Variants in RPF1 observed in about 807,000 individuals in gnomAD.
RPF1 encodes ribosome production factor 1.
Under a neutral mutation model 41.9 loss-of-function variants are expected in RPF1, and 34 were observed. The observed-to-expected ratio is 0.81, with a 90% confidence interval of 0.62 to 1.08. The LOEUF is 1.08. Among genes scored for constraint, RPF1 ranks in the 50% least tolerant of loss-of-function variants. The pLI is 0.00. For synonymous variants in RPF1, 140 were observed against 148.9 expected (o/e 0.94, Z 0.43); for missense variants, 425 against 435.2 (o/e 0.98, Z 0.21).
chr1:84,496,030 A>G lies in RPF1; in HGVS notation c.848A>G (p.Asn283Ser), dbSNP rs1039321907. The G allele has an allele frequency of 1.9e-6, 3 of 1,612,166 alleles. No individual in the cohort carries two copies. Among genetic ancestry groups the G allele is most frequent in the African/African-American group, 2.7e-5 (2 of 74,888 alleles). Residue 283 changes from asparagine to serine, a missense_variant, in exon 7 of 9, where the codon AAT (asparagine) becomes AGT (serine). Asn to Ser is a conservative substitution (Grantham distance 46). Coordinates refer to ENST00000370654, the MANE Select transcript of RPF1 (RefSeq NM_025065.7). ...GGAAGGCAGGTTGCCACATTCCACA[A>G]TCAACGGGATTACATATTCTTCAGA... ...FIGRQVATFH[N>S]QRDYIFFRFH...
In RPF1 at chr1:84,480,936, CTT is replaced by C; in HGVS notation, c.229-12_229-11del. On this transcript the variant is annotated intron_variant, in intron 1 of 8. Coordinates refer to ENST00000370654, the MANE Select transcript of RPF1 (RefSeq NM_025065.7). ...ACTGGTTGTTTCTCAGTATTGTTCT[CTT>C]TTTTTTTAACCCTTTAGGAAAAGTT... 1.5e-6 allele frequency: 2 copies of C among 1,368,774 alleles called. No individual in the cohort carries two copies. The highest frequency in any genetic ancestry group is 1.5e-5 in the African/African-American group (1 of 68,686). The allele number at this position is 1,368,774 out of a possible 1,614,324, so 84.8% of individuals were successfully genotyped here. A position where few individuals can be genotyped will look rare whatever the true frequency, so the allele number is the denominator to read the frequency against.
chr1:84,479,348 G>T lies in RPF1; in HGVS notation c.67G>T (p.Glu23Ter). Residue 23 changes from glutamate to a stop codon, truncating the protein, a stop_gained, in exon 1 of 9, where the codon GAA becomes TAA. Transcript: ENST00000370654. LOFTEE classifies it high-confidence loss of function. ...AAGTCTAAAACGGAAAGCCGCTGCC[G>T]AAGAACTTCAGGAGGCTGCAGGCGC... ...KKSLKRKAAA[E>*]ELQEAAGAGD... 6.2e-7 allele frequency: 1 copy of T among 1,612,996 alleles called. No homozygotes were observed.
intron 7 of RPF1, 61 bp from the exon 8 acceptor site, chr1:84,496,183 C>A: frequency 1.3e-6 from 2 of 1,519,422 alleles, no homozygotes; most frequent in Non-Finnish European, 9.0e-7. Context: ...ATCTTTTGAA[C>A]CCTGTCATAA....
In RPF1 at chr1:84,482,424, G is replaced by A. The variant is rs138907075; in HGVS notation, c.286-491G>A. 4.6e-3 allele frequency among the ~76,000 whole-genome samples: 694 copies of A among 152,098 alleles called. 4 individuals are homozygous for A. Among genetic ancestry groups the A allele is most frequent in the Non-Finnish European group, 7.4e-3 (506 of 67,974 alleles). On this transcript the variant is annotated intron_variant, in intron 2 of 8. Transcript: ENST00000370654. ...AAATAGGGATACTATGTATTTCTTCGTTCAAATTTCTCCCCCATTTACATT... is the reference window on the plus strand; with the variant it reads ...AAATAGGGATACTATGTATTTCTTCATTCAAATTTCTCCCCCATTTACATT...
chr1:84,490,282 GA>G (rs762159541), intron 4 of RPF1, 36 bp from the exon 5 acceptor site: 1 of 1,421,118 alleles, frequency 7.0e-7, no homozygotes, highest in Non-Finnish European at 9.4e-7. Flanking sequence ...ATTCTTTTTT[GA>G]AAACTATTCA....
intron 5 of RPF1, among the ~76,000 whole-genome samples, chr1:84,491,080 A>G (rs1336334089): frequency 1.3e-5 from 2 of 152,150 alleles, no homozygotes; most frequent in East Asian, 1.9e-4. Flanking sequence ...ACTTGGGCCC[A>G]TGTTATGTGT....
At position 84,497,985 on chromosome 1, in the gene RPF1, T is replaced by C. The variant is rs7541909; in HGVS notation, c.*515T>C. ...GTTGCAAATTACTGAAGCTAATCTT[T>C]GCTTCCTGATTTTGAGGTTTTTGGT... On this transcript the variant is annotated 3_prime_UTR_variant, in exon 9 of 9. Transcript: ENST00000370654. 1.3e-5 allele frequency among the ~76,000 whole-genome samples: 2 copies of C among 152,212 alleles called. No individual in the cohort carries two copies. The highest frequency in any genetic ancestry group is 2.9e-5 in the Non-Finnish European group (2 of 68,028).
At chr1:84,493,304 T>A (rs1472145719) in intron 5 of RPF1, among the ~76,000 whole-genome samples, 1 of 137,890 alleles carries the variant, frequency 7.3e-6, no homozygotes, top group Non-Finnish European at 1.5e-5. Context: ...CGTTTGCTGA[T>A]AATCTGATGC....
intron 2 of RPF1, 86 bp from the exon 3 acceptor site, chr1:84,482,829 A>G (rs1681674580): frequency 1.3e-6 from 1 of 783,630 alleles, no homozygotes; most frequent in South Asian, 1.7e-5. Flanking sequence ...GTTTGGGGTT[A>G]TTTGTAGCTT....
intron 5 of RPF1, among the ~76,000 whole-genome samples, chr1:84,491,788 A>G (rs1229612918): frequency 6.6e-6 from 1 of 152,210 alleles, no homozygotes; most frequent in Non-Finnish European, 1.5e-5. Context: ...AATTCAATAA[A>G]TGTTCTATCC....
chr1:84,482,733 T>TA (rs200145466), intron 2 of RPF1, among the ~76,000 whole-genome samples, 182 bp from the exon 3 acceptor site: 18,477 of 143,166 alleles, frequency 0.13, 2,076 homozygotes, highest in African/African-American at 0.3. Context: ...CCCAGATTGT[T>TA]TAAAAAAAAA....
intron 5 of RPF1, among the ~76,000 whole-genome samples, chr1:84,491,815 G>A (rs1343938489): frequency 6.6e-6 from 1 of 152,166 alleles, no homozygotes; most frequent in African/African-American, 2.4e-5. Context: ...TATCCAGGGT[G>A]TTTTATATAG....
Position 84,497,553 on chromosome 1 carries a change from C to A in RPF1, c.*83C>A. 1 of 1,032,108 alleles carries A rather than the reference C, an allele frequency of 9.7e-7. No homozygotes were observed. The highest frequency in any genetic ancestry group is 1.4e-6 in the Non-Finnish European group (1 of 702,716). 63.9% of individuals were successfully genotyped at this position (1,032,108 alleles called of 1,614,324 possible). A position where few individuals can be genotyped will look rare whatever the true frequency, so the allele number is the denominator to read the frequency against. Reference sequence around the variant, plus strand: ...ATTATTTTTGACAGAATACTCTTTTCAAAATGGCATTTGCTGATTTCATAA... The same window carrying A: ...ATTATTTTTGACAGAATACTCTTTTAAAAATGGCATTTGCTGATTTCATAA... On this transcript the variant is annotated 3_prime_UTR_variant, in exon 9 of 9. Transcript: ENST00000370654.
chr1:84,479,784 C>G (rs1169997443), intron 1 of RPF1, among the ~76,000 whole-genome samples: 4 of 152,176 alleles, frequency 2.6e-5, no homozygotes, highest in Non-Finnish European at 5.9e-5. Context: ...GGCCAGTTGG[C>G]TTAGTAGTGA....
intron 5 of RPF1, among the ~76,000 whole-genome samples, chr1:84,492,796 A>T (rs1681859213): frequency 6.6e-6 from 1 of 152,114 alleles, no homozygotes; most frequent in African/African-American, 2.4e-5. Flanking sequence ...TGGCCTTTGG[A>T]TTCTAAATGC....
intron 5 of RPF1, 112 bp downstream of exon 5, chr1:84,490,584 T>G: frequency 1.3e-6 from 1 of 779,190 alleles, no homozygotes; most frequent in Non-Finnish European, 1.9e-6. Context: ...ATAATTTTTT[T>G]ATCAGAAAAT....
chr1:84,479,571 C>T, intron 1 of RPF1, 62 bp downstream of exon 1: 1 of 1,488,314 alleles, frequency 6.7e-7, no homozygotes, highest in African/African-American at 1.4e-5. Context: ...AGGGCGGTCG[C>T]GGGGCGCACA....
At chr1:84,493,659 G>C (rs991931648) in intron 5 of RPF1, among the ~76,000 whole-genome samples, 3 of 152,152 alleles carry the variant, frequency 2.0e-5, no homozygotes, top group African/African-American at 7.2e-5. Flanking sequence ...GAAGAAAGGT[G>C]TTTTCCTAAC....
At position 84,489,583 on chromosome 1, in the gene RPF1, C is replaced by G. The variant is rs375550851; in HGVS notation, c.367-50C>G. 15 of 1,008,120 alleles carry G rather than the reference C, an allele frequency of 1.5e-5. No homozygotes were observed. The East Asian group carries it at 3.1e-4, about 21-fold the overall frequency. The allele number at this position is 1,008,120 out of a possible 1,614,324, so 62.4% of individuals were successfully genotyped here. A position where few individuals can be genotyped will look rare whatever the true frequency, so the allele number is the denominator to read the frequency against. On this transcript the variant is annotated intron_variant, in intron 3 of 8. Transcript: ENST00000370654. ...CTGATGCTACTTTTAGAATTCTGGC[C>G]CAGTAGAGTATTTCTTTGATGTAAA...
Sources: gnomAD v4.1 joint callset for allele counts (sites outside exome capture counted in the v4.1 genomes callset) on GRCh38, gnomAD v4.1.1 for gene constraint, MANE v1.5 for transcripts, NCBI Gene and HGNC (gene_info 2026-07-23, HGNC 2026-07-21) for gene names.